ZC3H12B: variants seen among roughly 807,000 people sequenced by gnomAD.
ZC3H12B encodes the protein zinc finger CCCH-type containing 12B, also known as probable ribonuclease ZC3H12B.
ZC3H12B carries 7 observed loss-of-function variants against 43.9 expected under a neutral mutation model. That is an observed-to-expected ratio of 0.16 (90% CI 0.09 to 0.30). The LOEUF is 0.30. Ranked by LOEUF, ZC3H12B falls within the 10% of genes least tolerant of loss-of-function variation. ZC3H12B has a pLI of 1.00. For missense variants in ZC3H12B, 475 were observed against 670.2 expected (o/e 0.71, Z 3.22); for synonymous variants, 222 against 241.7 (o/e 0.92, Z 0.76).
intron 2 of ZC3H12B, among the ~76,000 whole-genome samples, chrX:65,393,746 C>G (rs1170518180): frequency 8.9e-6 from 1 of 111,922 alleles, no homozygotes; most frequent in South Asian, 3.7e-4. Context: ...CATGGTATTT[C>G]TGGTTCTAGA....
chrX:65,182,637 A>T, the ZC3H12B span, among the ~76,000 whole-genome samples: 1 of 110,170 alleles, frequency 9.1e-6, no homozygotes, highest in African/African-American at 3.3e-5. Context: ...GACAACCTAC[A>T]GAATTGAAGA....
the ZC3H12B span, among the ~76,000 whole-genome samples, chrX:65,209,763 A>T: frequency 9.5e-6 from 1 of 105,686 alleles, no homozygotes; most frequent in Non-Finnish European, 1.9e-5. Flanking sequence ...AAATAATGCC[A>T]CATATCTACA....
the ZC3H12B span, chrX:65,185,203 C>A: frequency 3.6e-5 from 4 of 111,604 alleles, no homozygotes; most frequent in African/African-American, 1.3e-4. Flanking sequence ...ACAATCTGTT[C>A]ACCTATTTCT....
chrX:65,427,986 G>A (rs2067104380), intron 3 of ZC3H12B, among the ~76,000 whole-genome samples: 1 of 111,498 alleles, frequency 9.0e-6, no homozygotes, highest in African/African-American at 3.3e-5. Flanking sequence ...AGCATTCTTT[G>A]TCTTAAAGGA....
the ZC3H12B span, among the ~76,000 whole-genome samples, chrX:65,041,068 G>T: frequency 1.1e-4 from 12 of 112,605 alleles, no homozygotes; most frequent in Non-Finnish European, 1.7e-4. Context: ...GTGAGCCATC[G>T]TGCCCAGCCA....
chrX:65,326,077 C>A, the ZC3H12B span, among the ~76,000 whole-genome samples: 1 of 111,368 alleles, frequency 9.0e-6, no homozygotes, highest in South Asian at 3.7e-4. Context: ...AAACATGAGA[C>A]CTGAAACTAC....
chrX:65,141,345 T>G, the ZC3H12B span, among the ~76,000 whole-genome samples: 1 of 109,741 alleles, frequency 9.1e-6, no homozygotes, highest in Non-Finnish European at 1.9e-5. Context: ...TTTTTAAATT[T>G]AATTTATAAT....
At chrX:65,141,044 A>G in the ZC3H12B span, among the ~76,000 whole-genome samples, 1 of 111,077 alleles carries the variant, frequency 9.0e-6, no homozygotes, top group Non-Finnish European at 1.9e-5. Flanking sequence ...ACTGTTTTCT[A>G]GTCTCTTTTT....
At chrX:65,397,388 C>T (rs1052519663) in intron 2 of ZC3H12B, among the ~76,000 whole-genome samples, 1 of 111,524 alleles carries the variant, frequency 9.0e-6, no homozygotes, top group East Asian at 2.8e-4. Flanking sequence ...GTAAGGCAGG[C>T]CTGGTGGTAC....
chrX:65,138,911 G>T, the ZC3H12B span, among the ~76,000 whole-genome samples: 1 of 111,926 alleles, frequency 8.9e-6, no homozygotes, highest in Non-Finnish European at 1.9e-5. Context: ...CTACTGAGAT[G>T]CTTTGCCCAT....
At chrX:65,221,378 A>G in the ZC3H12B span, among the ~76,000 whole-genome samples, 1 of 111,767 alleles carries the variant, frequency 8.9e-6, no homozygotes, top group African/African-American at 3.2e-5. Context: ...CAAACAAAAA[A>G]CTATACCAAA....
At chrX:65,118,861 CA>C in the ZC3H12B span, among the ~76,000 whole-genome samples, 1 of 97,574 alleles carries the variant, frequency 1.0e-5, no homozygotes, top group Non-Finnish European at 2.0e-5. Flanking sequence ...CATGTGTTCT[CA>C]TTGTTCAATT....
intron 3 of ZC3H12B, among the ~76,000 whole-genome samples, chrX:65,445,842 G>A (rs966050518): frequency 3.6e-5 from 4 of 112,121 alleles, no homozygotes; most frequent in Non-Finnish European, 7.5e-5. Flanking sequence ...TTATTTTATT[G>A]TTGCTAAGCT....
At chrX:65,075,666 G>A in the ZC3H12B span, among the ~76,000 whole-genome samples, 1 of 111,884 alleles carries the variant, frequency 8.9e-6, no homozygotes, top group Non-Finnish European at 1.9e-5. Context: ...GGAGGAGGGA[G>A]TATGGTGAGT....
At chrX:65,153,827 A>T in the ZC3H12B span, among the ~76,000 whole-genome samples, 2 of 110,797 alleles carry the variant, frequency 1.8e-5, no homozygotes. Flanking sequence ...CTTGGAACCA[A>T]CCCAAATGTC....
At chrX:65,120,547 G>C in the ZC3H12B span, among the ~76,000 whole-genome samples, 11 of 111,424 alleles carry the variant, frequency 9.9e-5, no homozygotes, top group African/African-American at 3.6e-4. Flanking sequence ...GGAGATTTTA[G>C]GCTGAGACGA....
At chrX:65,158,504 G>T in the ZC3H12B span, among the ~76,000 whole-genome samples, 1 of 111,924 alleles carries the variant, frequency 8.9e-6, no homozygotes, top group African/African-American at 3.2e-5. Context: ...GTTTTGATTT[G>T]CATTTCTCTG....
chrX:65,287,982 T>A, the ZC3H12B span, among the ~76,000 whole-genome samples: 4 of 91,935 alleles, frequency 4.4e-5, no homozygotes, highest in East Asian at 1.2e-3. Flanking sequence ...CACTGAAATT[T>A]TATATACATA....
the ZC3H12B span, among the ~76,000 whole-genome samples, chrX:65,146,134 T>A: frequency 1.6e-4 from 18 of 111,305 alleles, no homozygotes; most frequent in Non-Finnish European, 2.8e-4. Flanking sequence ...TTAGGTTTGG[T>A]CATTTAACAT....
Sources: allele counts gnomAD v4.1 joint callset (sites outside exome capture counted in the v4.1 genomes callset), GRCh38; gene constraint gnomAD v4.1.1; transcripts MANE v1.5; gene names NCBI Gene and HGNC (gene_info 2026-07-23, HGNC 2026-07-21).